Variants in NXPH2 observed in about 807,000 individuals in gnomAD.
NXPH2 encodes the protein neurexophilin 2.
A neutral mutation model predicts 19.8 loss-of-function variants in NXPH2; 5 were observed. The ratio of observed to expected loss-of-function variants is 0.25; its 90% CI spans 0.13 to 0.53. NXPH2 has a LOEUF of 0.53. NXPH2 is among the 20% of genes least tolerant of loss of function. NXPH2 has a pLI of 0.96. For missense variants in NXPH2, 289 were observed against 322.8 expected, an observed-to-expected ratio of 0.90 and a Z score of 0.80; for synonymous variants, 154 against 127.4, an observed-to-expected ratio of 1.21 and a Z score of -1.41.
Position 138,777,365 on chromosome 2 carries a change from A to G in NXPH2, c.51+2826T>C, listed in dbSNP as rs532712183. 9.9e-5 allele frequency among the ~76,000 whole-genome samples: 15 copies of G among 152,252 alleles called. No individual in the cohort carries two copies. The South Asian group carries it at 2.1e-3, about 21-fold the overall frequency. ...GAATATGTTCAAGATGGATATTTAA[A>G]TCTTGCAAATAGTAATCCCATTAAT... is the stretch of plus-strand genomic sequence containing the variant. On this transcript the variant is annotated intron_variant, in intron 1 of 1. Transcript: ENST00000272641.
chr2:138,717,093 A>G (rs896582315), intron 1 of NXPH2, among the ~76,000 whole-genome samples: 8 of 152,228 alleles, frequency 5.3e-5, no homozygotes, highest in African/African-American at 1.9e-4. Flanking sequence ...TGAAATAACA[A>G]TGATCCATCA....
intron 1 of NXPH2, among the ~76,000 whole-genome samples, chr2:138,767,085 A>G (rs144476875): frequency 6.6e-6 from 1 of 152,282 alleles, no homozygotes; most frequent in Admixed American, 6.5e-5. Context: ...AATTTTTATG[A>G]TTTTAGTTCA....
intron 1 of NXPH2, 75 bp from the exon 2 acceptor site, chr2:138,671,740 C>T (rs1403401200): frequency 1.4e-6 from 2 of 1,408,376 alleles, no homozygotes; most frequent in Non-Finnish European, 1.9e-6. Flanking sequence ...AGTCAAAGCG[C>T]AAGGGAAATT....
chr2:138,761,341 A>G (rs1418465938), intron 1 of NXPH2, among the ~76,000 whole-genome samples: 2 of 152,222 alleles, frequency 1.3e-5, no homozygotes, highest in Admixed American at 6.5e-5. Flanking sequence ...CAACTACTCT[A>G]GCAATGGGGC....
chr2:138,754,526 T>C (rs1035899125), intron 1 of NXPH2, among the ~76,000 whole-genome samples: 1 of 152,216 alleles, frequency 6.6e-6, no homozygotes, highest in Non-Finnish European at 1.5e-5. Context: ...GCTCAAATTG[T>C]TTTTATCACT....
At chr2:138,696,638 A>G (rs912473300) in intron 1 of NXPH2, among the ~76,000 whole-genome samples, 1 of 152,276 alleles carries the variant, frequency 6.6e-6, no homozygotes, top group South Asian at 2.1e-4. Context: ...AAATTCCTGT[A>G]CATTGTTGGT....
intron 1 of NXPH2, among the ~76,000 whole-genome samples, chr2:138,751,121 A>G (rs1414800457): frequency 7.3e-6 from 1 of 137,732 alleles, no homozygotes; most frequent in Non-Finnish European, 1.5e-5. Flanking sequence ...GCTATTTTCT[A>G]TCTTTCTGCT....
chr2:138,727,183 T>C (rs4622652), intron 1 of NXPH2, among the ~76,000 whole-genome samples: 140,679 of 152,238 alleles, frequency 0.92, 65,488 homozygotes, highest in East Asian at 1. Flanking sequence ...CACTCACCCA[T>C]CAAAGGACAT....
chr2:138,704,635 G>A (rs1680981019), intron 1 of NXPH2, among the ~76,000 whole-genome samples: 1 of 152,096 alleles, frequency 6.6e-6, no homozygotes, highest in South Asian at 2.1e-4. Flanking sequence ...AGATTCTACT[G>A]TAGTGATATT....
At chr2:138,720,578 A>G (rs1268284405) in intron 1 of NXPH2, among the ~76,000 whole-genome samples, 2 of 152,246 alleles carry the variant, frequency 1.3e-5, no homozygotes, top group East Asian at 3.8e-4. Flanking sequence ...TCACTGAGGC[A>G]CTGCAGCTAC....
intron 1 of NXPH2, among the ~76,000 whole-genome samples, chr2:138,771,230 T>C (rs944985699): frequency 2.0e-5 from 3 of 152,124 alleles, no homozygotes; most frequent in African/African-American, 7.2e-5. Context: ...ATCAATGCCA[T>C]GAAATACAGT....
chr2:138,698,170 A>G (rs532146512), intron 1 of NXPH2, among the ~76,000 whole-genome samples: 23 of 152,156 alleles, frequency 1.5e-4, no homozygotes, highest in Non-Finnish European at 2.8e-4. Flanking sequence ...AATCTCTCAA[A>G]TTTGAAGAAA....
At chr2:138,682,668 A>T (rs886979413) in intron 1 of NXPH2, among the ~76,000 whole-genome samples, 1 of 152,218 alleles carries the variant, frequency 6.6e-6, no homozygotes, top group African/African-American at 2.4e-5. Flanking sequence ...CCTTTACGTT[A>T]TTCTAAATTG....
chr2:138,728,152 T>TGC (rs914285820), intron 1 of NXPH2, among the ~76,000 whole-genome samples: 11 of 49,354 alleles, frequency 2.2e-4, no homozygotes, highest in African/African-American at 5.4e-4. Context: ...GACACCAGAG[T>TGC]GCGCTCTCTC....
rs896306136 is a variant in NXPH2 at position 138,669,330 on chromosome 2, A to G, written c.*1592T>C. Reference sequence around the variant, plus strand: ...TGAAAATAAAAAGATGTTTCAAAATATTAATCACCAACCACAAAATTACAA... The same window carrying G: ...TGAAAATAAAAAGATGTTTCAAAATGTTAATCACCAACCACAAAATTACAA... On this transcript the variant is annotated 3_prime_UTR_variant, in exon 2 of 2. Coordinates refer to ENST00000272641, the MANE Select transcript of NXPH2 (RefSeq NM_007226.3). Among the ~76,000 whole-genome samples the G allele has an allele frequency of 6.6e-6, 1 of 152,186 alleles. No homozygotes were observed. Among genetic ancestry groups the G allele is most frequent in the Non-Finnish European group, 1.5e-5 (1 of 68,024 alleles).
intron 1 of NXPH2, among the ~76,000 whole-genome samples, chr2:138,734,099 G>A (rs912874110): frequency 7.9e-5 from 12 of 152,100 alleles, no homozygotes; most frequent in African/African-American, 2.9e-4. Context: ...GCAAAAATTA[G>A]CCAGGCATCA....
chr2:138,711,669 A>C (rs1323192117), intron 1 of NXPH2, among the ~76,000 whole-genome samples: 1 of 152,160 alleles, frequency 6.6e-6, no homozygotes, highest in East Asian at 1.9e-4. Flanking sequence ...CTAGCAGTTC[A>C]GGCCTCCCAC....
chr2:138,728,095 C>A lies in NXPH2; in HGVS notation c.51+52096G>T, dbSNP rs533709388. Among the ~76,000 whole-genome samples, 124 of 152,180 alleles carry A rather than the reference C, an allele frequency of 8.1e-4. 2 individuals are homozygous for A. In the South Asian group the frequency reaches 0.026, roughly 31 times the overall value. ...AATGTGACTGTGTTTGAAGACAGAGCCCTTAAGGAAATAATTAAGAGGTTA... is the reference window on the plus strand; with the variant it reads ...AATGTGACTGTGTTTGAAGACAGAGACCTTAAGGAAATAATTAAGAGGTTA... On this transcript the variant is annotated intron_variant, in intron 1 of 1. Transcript: ENST00000272641.
At position 138,780,219 on chromosome 2, in the gene NXPH2, A is replaced by C. The variant is rs1682330440; in HGVS notation, c.23T>G (p.Leu8Arg). ...CTGCAGCAAGCCAGGGACCACCACG[A>C]GGGGCAGCGGCCGCAGGCGCATGGT... MRLRPLP[L>R]VVVPGLLQLL... The change falls in exon 1 of 2, where the codon CTC (leucine) becomes CGC (arginine). Residue 8 changes from leucine (L) to arginine (R), a missense_variant. Transcript: ENST00000272641. 6.8e-7 allele frequency: 1 copy of C among 1,471,104 alleles called. No homozygotes were observed. Among genetic ancestry groups the C allele is most frequent in the African/African-American group, 1.5e-5 (1 of 67,706 alleles). 91.1% of individuals were successfully genotyped at this position (1,471,104 alleles called of 1,614,324 possible). A position where few individuals can be genotyped will look rare whatever the true frequency, so the allele number is the denominator to read the frequency against.
Sources: gnomAD v4.1 joint callset for allele counts (sites outside exome capture counted in the v4.1 genomes callset) on GRCh38, gnomAD v4.1.1 for gene constraint, MANE v1.5 for transcripts, NCBI Gene and HGNC (gene_info 2026-07-23, HGNC 2026-07-21) for gene names.